Variants in PDE10A observed in about 807,000 individuals in gnomAD.
The protein encoded by PDE10A is phosphodiesterase 10A.
Under a neutral mutation model 97.7 loss-of-function variants are expected in PDE10A, and 39 were observed. That is an observed-to-expected ratio of 0.40 (90% CI 0.31 to 0.52). The LOEUF (loss-of-function observed/expected upper bound fraction) is 0.52. Among genes scored for constraint, PDE10A ranks in the 20% least tolerant of loss-of-function variants. The pLI is 0.56. For missense variants in PDE10A, 731 were observed against 1,047.8 expected, an observed-to-expected ratio of 0.70 and a Z score of 4.17; for synonymous variants, 371 against 376.8, an observed-to-expected ratio of 0.98 and a Z score of 0.18.
intron 1 of PDE10A, among the ~76,000 whole-genome samples, chr6:165,582,968 A>G (rs1368667620): frequency 3.3e-5 from 5 of 152,170 alleles, no homozygotes; most frequent in African/African-American, 9.7e-5. Flanking sequence ...ATAAATACAA[A>G]CAAAACACAT....
intron 1 of PDE10A, among the ~76,000 whole-genome samples, chr6:165,955,108 A>G (rs906360382): frequency 6.6e-6 from 1 of 151,218 alleles, no homozygotes; most frequent in Non-Finnish European, 1.5e-5. Flanking sequence ...CACGGCCTCT[A>G]TGCCACCACT....
intron 20 of PDE10A, among the ~76,000 whole-genome samples, chr6:165,336,520 C>T (rs851963): frequency 0.22 from 32,714 of 151,890 alleles, 3,806 homozygotes; most frequent in African/African-American, 0.27. Flanking sequence ...GAGGCCGAGG[C>T]GGGTGGATCA....
In PDE10A at chr6:165,445,279, T is replaced by C. The variant is rs78992977; in HGVS notation, c.1194+3649A>G. On this transcript the variant is annotated intron_variant, in intron 5 of 21. Transcript: ENST00000539869. ...ATTTATTTAAAGGCTGCATAAAATATATTTTACCCATCTTTTATATTGCTT... is the reference window on the plus strand; with the variant it reads ...ATTTATTTAAAGGCTGCATAAAATACATTTTACCCATCTTTTATATTGCTT... Among the ~76,000 whole-genome samples the C allele has an allele frequency of 8.3e-3, 1,257 of 152,354 alleles. 14 individuals are homozygous for C. The highest frequency in any genetic ancestry group is 0.029 in the African/African-American group (1,185 of 41,574).
intron 1 of PDE10A, among the ~76,000 whole-genome samples, chr6:165,879,389 C>A (rs1329502489): frequency 2.0e-5 from 3 of 152,180 alleles, no homozygotes; most frequent in Non-Finnish European, 2.9e-5. Context: ...GCAGAGAACC[C>A]CATCAACAAC....
chr6:165,809,519 C>A (rs1265794696), intron 1 of PDE10A, among the ~76,000 whole-genome samples: 4 of 152,146 alleles, frequency 2.6e-5, no homozygotes, highest in Non-Finnish European at 5.9e-5. Flanking sequence ...TTCTTGGTGA[C>A]CCCCATACCC....
chr6:165,662,112 G>C lies in PDE10A; in HGVS notation c.700C>G (p.Pro234Ala), dbSNP rs1790302183. 4 of 1,020,010 alleles carry C rather than the reference G, an allele frequency of 3.9e-6. No individual in the cohort carries two copies. Among genetic ancestry groups the C allele is most frequent in the Non-Finnish European group, 4.7e-6 (4 of 844,608 alleles). 63.2% of individuals were successfully genotyped at this position (1,020,010 alleles called of 1,614,324 possible). The change falls in exon 1 of 22, where the codon CCC becomes GCC. Residue 234 changes from proline (P) to alanine (A), a missense_variant. By Grantham distance (27) the Pro-to-Ala change is conservative (BLOSUM62 -1). Transcript: ENST00000539869. The part of the protein sequence containing the change: ...AARRAGSPGF[P>A]GAGPGGGGQT... The stretch of plus-strand genomic sequence containing the variant: ...CCGCCGCCGCCTGGGCCGGCGCCGG[G>C]GAAGCCGGGGGAGCCCGCGCGGCGG...
At chr6:165,422,639 A>G (rs975748698) in intron 10 of PDE10A, among the ~76,000 whole-genome samples, 66 of 152,332 alleles carry the variant, frequency 4.3e-4, no homozygotes, top group African/African-American at 1.5e-3. Flanking sequence ...GAAAATAAAG[A>G]TATTTAAGAA....
chr6:165,717,920 C>T (rs1792065891), intron 1 of PDE10A, among the ~76,000 whole-genome samples: 2 of 152,170 alleles, frequency 1.3e-5, no homozygotes, highest in South Asian at 4.1e-4. Context: ...GTCCTTTGCC[C>T]ATTCTGAATC....
Position 165,331,418 on chromosome 6 carries a change from G to A in PDE10A, c.*1607C>T, listed in dbSNP as rs1781335366. On this transcript the variant is annotated 3_prime_UTR_variant, in exon 22 of 22. Transcript: ENST00000539869. ...ACAATGTTTATGTAGAGCCAACTTT[G>A]CTACAACATAAATAAACCATGTTGT... 1 of 152,126 alleles carries A rather than the reference G, an allele frequency of 6.6e-6. No individual in the cohort carries two copies. The allele number at this position is 152,126 out of a possible 1,614,324, so 9.4% of individuals were successfully genotyped here. A position where few individuals can be genotyped will look rare whatever the true frequency, so the allele number is the denominator to read the frequency against.
chr6:165,604,539 T>C (rs1450515541), intron 1 of PDE10A, among the ~76,000 whole-genome samples: 4 of 133,314 alleles, frequency 3.0e-5, no homozygotes. Context: ...AAAAAAAGTG[T>C]TACTATACTG....
intron 1 of PDE10A, among the ~76,000 whole-genome samples, chr6:165,704,039 C>A (rs1434960589): frequency 2.0e-5 from 3 of 152,232 alleles, no homozygotes; most frequent in Non-Finnish European, 4.4e-5. Flanking sequence ...CATATTCACA[C>A]TCGTTCACCA....
chr6:165,937,365 A>G (rs1783367427), intron 1 of PDE10A, among the ~76,000 whole-genome samples: 2 of 152,220 alleles, frequency 1.3e-5, no homozygotes, highest in South Asian at 4.1e-4. Flanking sequence ...GCTTCTATTA[A>G]TTCTCAGAGT....
At chr6:165,446,443 A>G (rs972645809) in intron 5 of PDE10A, among the ~76,000 whole-genome samples, 3 of 152,232 alleles carry the variant, frequency 2.0e-5, no homozygotes, top group African/African-American at 7.2e-5. Flanking sequence ...TCCTACCCAC[A>G]GAAATCCCTG....
chr6:165,781,085 G>A (rs1193798637), intron 1 of PDE10A: 1 of 152,250 alleles, frequency 6.6e-6, no homozygotes, highest in Admixed American at 6.5e-5. Context: ...TAGTTCTCCA[G>A]GGAATGGAAT....
chr6:165,533,477 G>A (rs774763870), intron 2 of PDE10A, among the ~76,000 whole-genome samples: 6 of 152,136 alleles, frequency 3.9e-5, no homozygotes, highest in Non-Finnish European at 7.4e-5. Flanking sequence ...ACACAGAAAA[G>A]GCACAGAAAA....
intron 1 of PDE10A, among the ~76,000 whole-genome samples, chr6:165,796,091 C>CTTTTTTTTTTTTTTTTTTTTTTTT: frequency 1.8e-5 from 2 of 108,814 alleles, no homozygotes; most frequent in Non-Finnish European, 3.6e-5. Context: ...TTTTTCTTTT[C>CTTTTTTTTTTTTTTTTTTTTTTTT]TTTTTTTTTT....
At chr6:165,908,092 G>A (rs999208139) in intron 1 of PDE10A, among the ~76,000 whole-genome samples, 1 of 152,230 alleles carries the variant, frequency 6.6e-6, no homozygotes, top group African/African-American at 2.4e-5. Context: ...ATGCTTGGGA[G>A]AGGAGGAGCA....
intron 18 of PDE10A, among the ~76,000 whole-genome samples, chr6:165,378,918 C>A (rs1784773322): frequency 6.6e-6 from 1 of 152,178 alleles, no homozygotes; most frequent in Non-Finnish European, 1.5e-5. Flanking sequence ...GGAGAAACAT[C>A]ATTCCAGCCT....
At chr6:165,802,887 C>T (rs1779019409) in intron 1 of PDE10A, among the ~76,000 whole-genome samples, 1 of 152,216 alleles carries the variant, frequency 6.6e-6, no homozygotes, top group Non-Finnish European at 1.5e-5. Flanking sequence ...AAGTGCCTTG[C>T]TGTAGCACTG....
Sources: gnomAD v4.1 joint callset for allele counts (sites outside exome capture counted in the v4.1 genomes callset) on GRCh38, gnomAD v4.1.1 for gene constraint, MANE v1.5 for transcripts, NCBI Gene and HGNC (gene_info 2026-07-23, HGNC 2026-07-21) for gene names.